The following GNB5 variants were observed in gnomAD, a reference collection of about 807,000 sequenced individuals.
GNB5 encodes the protein guanine nucleotide-binding protein subunit beta-5.
Under a neutral mutation model 55.3 loss-of-function variants are expected in GNB5, and 37 were observed. That is an observed-to-expected ratio of 0.67 (90% CI 0.51 to 0.88). The LOEUF is 0.88. Among genes scored for constraint, GNB5 ranks in the 40% least tolerant of loss-of-function variants. GNB5 has a pLI of 0.00. For synonymous variants in GNB5, 219 were observed against 198.5 expected (o/e 1.10, Z -0.87); for missense variants, 476 against 515.3 (o/e 0.92, Z 0.74).
rs1416104881 is a variant in GNB5 at position 52,126,750 on chromosome 15, A to G, written c.913-706T>C. On this transcript the variant is annotated intron_variant, in intron 10 of 12. Coordinates refer to ENST00000261837, the MANE Select transcript of GNB5 (RefSeq NM_016194.4). Reference sequence around the variant, plus strand: ...TAGGTTAAGAAATAGAATCCTTAGAAGAGTTATCAGGAAATAGCATGACCA... The same window carrying G: ...TAGGTTAAGAAATAGAATCCTTAGAGGAGTTATCAGGAAATAGCATGACCA... Among the ~76,000 whole-genome samples the G allele has an allele frequency of 2.6e-5, 4 of 152,164 alleles. No homozygotes were observed. The East Asian group carries it at 7.7e-4, about 29-fold the overall frequency.
chr15:52,179,567 C>A (rs763627934), intron 3 of GNB5, among the ~76,000 whole-genome samples: 24 of 151,718 alleles, frequency 1.6e-4, no homozygotes, highest in Non-Finnish European at 2.9e-4. Flanking sequence ...CCTCCGAGGG[C>A]CCCACCGCCG....
At chr15:52,176,697 G>T (rs2034656578) in intron 3 of GNB5, among the ~76,000 whole-genome samples, 1 of 152,198 alleles carries the variant, frequency 6.6e-6, no homozygotes, top group South Asian at 2.1e-4. Context: ...CATTTGTCAA[G>T]AACTCTTACC....
At chr15:52,166,899 G>GT (rs1903081306) in intron 3 of GNB5, among the ~76,000 whole-genome samples, 1 of 151,928 alleles carries the variant, frequency 6.6e-6, no homozygotes, top group African/African-American at 2.4e-5. Flanking sequence ...CCAGGAGCTG[G>GT]TTTTTTGAAA....
chr15:52,129,607 C>A (rs983346564), intron 9 of GNB5, among the ~76,000 whole-genome samples: 1 of 152,120 alleles, frequency 6.6e-6, no homozygotes, highest in African/African-American at 2.4e-5. Context: ...CCATTTGGGG[C>A]CACATGGGCT....
chr15:52,137,980 C>T (rs574081870), intron 7 of GNB5: 95 of 1,286,002 alleles, frequency 7.4e-5, no homozygotes, highest in Middle Eastern at 6.5e-4. Context: ...CCTTATGCAC[C>T]GCTAGCATGC....
Position 52,149,926 on chromosome 15 carries a change from C to G in GNB5, c.376-1G>C, listed in dbSNP as rs2034056660. The G allele has an allele frequency of 6.2e-7, 1 of 1,609,926 alleles. No homozygotes were observed. The highest frequency in any genetic ancestry group is 1.7e-5 in the Admixed American group (1 of 59,992). On this transcript the variant is annotated splice_acceptor_variant, in intron 4 of 12. Transcript: ENST00000261837. LOFTEE classifies it high-confidence loss of function. ...AATCCCACACGATCACCTTCCCATC[C>G]TGGAGGGAGAAGAGCAAACAGTTTA...
At chr15:52,178,524 G>C (rs2034696396) in intron 3 of GNB5, among the ~76,000 whole-genome samples, 1 of 152,204 alleles carries the variant, frequency 6.6e-6, no homozygotes, top group African/African-American at 2.4e-5. Flanking sequence ...GAAGGAGCCT[G>C]GGTCCCTTGG....
intron 7 of GNB5, 48 bp downstream of exon 7, chr15:52,141,092 T>A (rs756723357): frequency 6.3e-7 from 1 of 1,587,812 alleles, no homozygotes; most frequent in Non-Finnish European, 8.6e-7. Flanking sequence ...CAGCTCCTCT[T>A]TAGTGCTCCT....
intron 9 of GNB5, 122 bp from the exon 10 acceptor site, chr15:52,128,366 G>A (rs2033481459): frequency 2.9e-6 from 2 of 694,180 alleles, no homozygotes; most frequent in Non-Finnish European, 5.2e-6. Flanking sequence ...ATTTGCAGCA[G>A]AAGACGGAAG....
In GNB5 at chr15:52,147,463, A is replaced by G; in HGVS notation, c.490T>C (p.Cys164Arg). The G allele has an allele frequency of 6.3e-7, 1 of 1,581,972 alleles. No homozygotes were observed. Among genetic ancestry groups the G allele is most frequent in the Non-Finnish European group, 8.7e-7 (1 of 1,150,656 alleles). Residue 164 changes from cysteine (C) to arginine (R), a missense_variant, in exon 6 of 13, where the codon TGT becomes CGT. Physicochemically the swap from Cys to Arg is radical, Grantham distance 180 (BLOSUM62 -3). Transcript: ENST00000261837. ...GCTGCTGTAGCTCCAACTTACCCAC[A>G]AGCAATGGCACATCCCGATGGGGCA... ...AYAPSGCAIACGGLDNKCSVY... is the reference protein window; with the variant it reads ...AYAPSGCAIARGGLDNKCSVY...
chr15:52,180,529 T>C (rs1164485306), intron 2 of GNB5: 2 of 152,214 alleles, frequency 1.3e-5, no homozygotes, highest in Non-Finnish European at 2.9e-5. Flanking sequence ...CCCACCCTTA[T>C]TTTCTCTTTT....
chr15:52,136,272 T>C (rs1471593173), intron 7 of GNB5, among the ~76,000 whole-genome samples: 2 of 152,018 alleles, frequency 1.3e-5, no homozygotes, highest in East Asian at 3.9e-4. Context: ...GTTGTGTTTA[T>C]ATGCCTGCCT....
At chr15:52,140,415 T>C (rs1596068587) in intron 7 of GNB5, among the ~76,000 whole-genome samples, 1 of 152,124 alleles carries the variant, frequency 6.6e-6, no homozygotes, top group South Asian at 2.1e-4. Flanking sequence ...GTGGCAGCGG[T>C]CCCTCTTCAC....
chr15:52,121,551 A>AT lies in GNB5; in HGVS notation c.*1205dup. 1 of 152,146 alleles carries AT rather than the reference A, an allele frequency of 6.6e-6. No individual in the cohort carries two copies. The highest frequency in any genetic ancestry group is 2.4e-5 in the African/African-American group (1 of 41,430). The allele number at this position is 152,146 out of a possible 1,614,324, so 9.4% of individuals were successfully genotyped here. A position where few individuals can be genotyped will look rare whatever the true frequency, so the allele number is the denominator to read the frequency against. ...GTAAGAGGAGCAGACGTTATTATTCATGACTATCAATCAATCTGCATATGT... is the reference window on the plus strand; with the variant it reads ...GTAAGAGGAGCAGACGTTATTATTCATTGACTATCAATCAATCTGCATATGT... On this transcript the variant is annotated 3_prime_UTR_variant, in exon 13 of 13. Coordinates refer to ENST00000261837, the MANE Select transcript of GNB5 (RefSeq NM_016194.4).
chr15:52,126,821 A>G (rs1034210013), intron 10 of GNB5, among the ~76,000 whole-genome samples: 3 of 152,050 alleles, frequency 2.0e-5, no homozygotes, highest in African/African-American at 7.2e-5. Context: ...TTTGAAATGG[A>G]ATTTCGCTCG....
chr15:52,154,472 T>C (rs527644114), intron 3 of GNB5, among the ~76,000 whole-genome samples: 5 of 152,238 alleles, frequency 3.3e-5, no homozygotes, highest in South Asian at 2.1e-4. Context: ...ATTTAGCAGA[T>C]GGGGAAACTG....
In GNB5 at chr15:52,124,617, G is replaced by T. The variant is rs749597091; in HGVS notation, c.1032C>A (p.Tyr344Ter). Residue 344 changes from tyrosine (Y) to a stop codon, truncating the protein, a stop_gained, in exon 12 of 13, where the codon TAC becomes TAA. Coordinates refer to ENST00000261837, the MANE Select transcript of GNB5 (RefSeq NM_016194.4). LOFTEE classifies it high-confidence loss of function. ...CCCAGACGTTGATAGTGTAATCATT[G>T]TATCCAGCAAACAGCAGGCGACCTT... ...SLSGRLLFAG[Y>*]NDYTINVWDV... 3.1e-6 allele frequency: 5 copies of T among 1,613,984 alleles called. No homozygotes were observed. In the South Asian group the frequency reaches 5.5e-5, roughly 18 times the overall value.
At chr15:52,136,063 GAACACACA>G (rs1292679617) in intron 7 of GNB5, among the ~76,000 whole-genome samples, 1 of 79,398 alleles carries the variant, frequency 1.3e-5, no homozygotes, top group East Asian at 4.3e-4. Flanking sequence ...GGGAAAAGCA[GAACACACA>G]CACACACACA....
At chr15:52,149,863 T>A (rs768690350) in intron 5 of GNB5, 21 bp downstream of exon 5, 2 of 1,588,972 alleles carry the variant, frequency 1.3e-6, no homozygotes, top group Admixed American at 3.3e-5. Flanking sequence ...CTCTATAACG[T>A]GGCTGGGAAC....
Sources: gnomAD v4.1 joint callset for allele counts (sites outside exome capture counted in the v4.1 genomes callset) on GRCh38, gnomAD v4.1.1 for gene constraint, MANE v1.5 for transcripts, NCBI Gene and HGNC (gene_info 2026-07-23, HGNC 2026-07-21) for gene names.